The following ARMC9 variants were observed in gnomAD, a reference collection of about 807,000 sequenced individuals.
ARMC9 encodes lisH domain-containing protein ARMC9.
ARMC9 carries 94 observed loss-of-function variants against 107.0 expected under a neutral mutation model. That is an observed-to-expected ratio of 0.88 (90% confidence interval 0.74 to 1.04). The LOEUF (loss-of-function observed/expected upper bound fraction) is 1.04, where lower values mean the gene tolerates loss of function less well. Ranked by LOEUF, ARMC9 falls within the 50% of genes least tolerant of loss-of-function variation. The pLI, the probability that ARMC9 is intolerant of heterozygous loss-of-function variation, is 0.00. For synonymous variants in ARMC9, 380 were observed against 396.9 expected (o/e 0.96, Z 0.51); for missense variants, 942 against 1,030.1 (o/e 0.91, Z 1.17).
intron 9 of ARMC9, among the ~76,000 whole-genome samples, chr2:231,252,925 C>T (rs942888907): frequency 7.3e-5 from 11 of 151,504 alleles, no homozygotes; most frequent in South Asian, 2.1e-4. Flanking sequence ...CAGGCGTGAA[C>T]GGCTATGCCC....
intron 6 of ARMC9, among the ~76,000 whole-genome samples, chr2:231,225,308 A>C (rs1051096484): frequency 6.6e-6 from 1 of 152,154 alleles, no homozygotes; most frequent in African/African-American, 2.4e-5. Flanking sequence ...TTACCACATG[A>C]CCCAGGAATT....
intron 11 of ARMC9, 114 bp downstream of exon 11, chr2:231,259,216 T>C: frequency 4.4e-6 from 4 of 912,834 alleles, no homozygotes; most frequent in Non-Finnish European, 3.3e-6. Context: ...TCTTCCCCGC[T>C]GTCTGCTGAC....
intron 12 of ARMC9, among the ~76,000 whole-genome samples, chr2:231,265,076 G>A (rs1454290247): frequency 2.6e-5 from 4 of 151,446 alleles, no homozygotes; most frequent in African/African-American, 9.7e-5. Context: ...CTAGCCTGGC[G>A]ACAGAGTGAG....
chr2:231,291,875 T>G (rs2041024377), intron 18 of ARMC9, among the ~76,000 whole-genome samples: 1 of 148,824 alleles, frequency 6.7e-6, no homozygotes, highest in Non-Finnish European at 1.5e-5. Flanking sequence ...TAGACAAAAG[T>G]TCAGCCAGGT....
intron 6 of ARMC9, among the ~76,000 whole-genome samples, chr2:231,226,149 A>G (rs2034627663): frequency 1.3e-5 from 2 of 152,226 alleles, no homozygotes; most frequent in African/African-American, 2.4e-5. Flanking sequence ...GAGCCACCAC[A>G]CTGGCCTGAA....
At chr2:231,364,502 A>C (rs2045728058) in intron 23 of ARMC9, among the ~76,000 whole-genome samples, 1 of 152,210 alleles carries the variant, frequency 6.6e-6, no homozygotes, top group Non-Finnish European at 1.5e-5. Flanking sequence ...TGGCACATTC[A>C]TGCATCCAGC....
At chr2:231,292,653 G>C (rs2041095656) in intron 18 of ARMC9, among the ~76,000 whole-genome samples, 1 of 152,116 alleles carries the variant, frequency 6.6e-6, no homozygotes, top group Admixed American at 6.6e-5. Flanking sequence ...ACCTGCCAGA[G>C]GTACCAAGCA....
chr2:231,258,557 G>A (rs2038051476), intron 10 of ARMC9, among the ~76,000 whole-genome samples: 1 of 152,136 alleles, frequency 6.6e-6, no homozygotes, highest in Non-Finnish European at 1.5e-5. Flanking sequence ...GGCTTGAGAG[G>A]AACAGTGGCT....
In ARMC9 at chr2:231,276,738, G is replaced by A. The variant is rs141707678; in HGVS notation, c.1437G>A (p.Ser479=). The stretch of plus-strand genomic sequence containing the variant: ...TGTCTGACTACACGCTGGAGTACTC[G>A]GTGGCTTTGCTCATGAACCTCTGCC... ...DCLSDYTLEY[S]VALLMNLCLR... Residue 479 remains serine, a synonymous_variant, in exon 15 of 25, where the codon TCG becomes TCA. Transcript: ENST00000611582. The A allele has an allele frequency of 1.2e-4, 189 of 1,614,076 alleles. No homozygotes were observed. Among genetic ancestry groups the A allele is most frequent in the Middle Eastern group, 1.7e-4 (1 of 6,060 alleles).
intron 12 of ARMC9, among the ~76,000 whole-genome samples, chr2:231,267,292 G>T (rs746709343): frequency 6.6e-6 from 1 of 152,038 alleles, no homozygotes; most frequent in Non-Finnish European, 1.5e-5. Flanking sequence ...GTGCAGTGGC[G>T]TGATCTCGGC....
At chr2:231,235,425 A>T in intron 8 of ARMC9, 44 bp downstream of exon 8, 1 of 1,609,954 alleles carries the variant, frequency 6.2e-7, no homozygotes, top group Non-Finnish European at 8.5e-7. Context: ...TTGGCAATGA[A>T]GAAGGCTTAT....
chr2:231,350,628 AAAAAAAAG>A lies in ARMC9; in HGVS notation c.1995-5164_1995-5157del, dbSNP rs1173934819. 5.8e-3 allele frequency among the ~76,000 whole-genome samples: 843 copies of A among 144,564 alleles called. 6 individuals are homozygous for A. Among genetic ancestry groups the A allele is most frequent in the African/African-American group, 0.02 (685 of 34,494 alleles). The allele number at this position is 144,564 out of a possible 152,430, so 94.8% of individuals were successfully genotyped here. A position where few individuals can be genotyped will look rare whatever the true frequency, so the allele number is the denominator to read the frequency against. ...CAAAGTGAGACCCTTGTCTCAAAAA[AAAAAAAAG>A]AAAAAGAAAAAGAAACTTCATATGT... On this transcript the variant is annotated intron_variant, in intron 21 of 24. Transcript: ENST00000611582.
Position 231,281,967 on chromosome 2 carries a change from T to G in ARMC9, c.1552-92T>G. 8 of 1,239,042 alleles carry G rather than the reference T, an allele frequency of 6.5e-6. No homozygotes were observed. The South Asian group carries it at 9.8e-5, about 15-fold the overall frequency. 76.8% of individuals were successfully genotyped at this position (1,239,042 alleles called of 1,614,324 possible). On this transcript the variant is annotated intron_variant, in intron 16 of 24. Transcript: ENST00000611582. ...AGGACGGGAACACCCACTCTCCCCA[T>G]TTGCCAGATTGTTCTGAGGTGTGGT...
chr2:231,303,535 TC>T (rs1039371443), intron 19 of ARMC9, among the ~76,000 whole-genome samples: 7 of 152,248 alleles, frequency 4.6e-5, no homozygotes, highest in African/African-American at 1.7e-4. Flanking sequence ...TTCCCTCTGT[TC>T]CTAGTTTGCT....
intron 18 of ARMC9, among the ~76,000 whole-genome samples, chr2:231,292,772 C>A (rs1473688138): frequency 3.3e-5 from 5 of 152,222 alleles, no homozygotes; most frequent in African/African-American, 9.6e-5. Context: ...CTTCTGCACA[C>A]GAGCAGAAAG....
chr2:231,208,252 G>A lies in ARMC9; in HGVS notation c.177G>A (p.Gln59=). 1 of 1,604,544 alleles carries A rather than the reference G, an allele frequency of 6.2e-7. No individual in the cohort carries two copies. Among genetic ancestry groups the A allele is most frequent in the Non-Finnish European group, 8.5e-7 (1 of 1,174,770 alleles). The change falls in exon 3 of 25, where the codon CAG becomes CAA. Residue 59 remains glutamine (Q), a splice_region_variant and synonymous_variant. Transcript: ENST00000611582. ...GAGACTCCAAATCATTGACAATTCA[G>A]GTAACATTTTGCTTATTTTTCATCC... ...SFRDSKSLTI[Q]KDLVAAFDNG...
intron 20 of ARMC9, among the ~76,000 whole-genome samples, chr2:231,340,111 A>T (rs929207632): frequency 6.6e-6 from 1 of 152,364 alleles, no homozygotes. Context: ...AGGGAAAAGA[A>T]CTGGCAGAAC....
At chr2:231,235,472 CCT>C in intron 8 of ARMC9, 91 bp downstream of exon 8, 1 of 1,455,052 alleles carries the variant, frequency 6.9e-7, no homozygotes, top group East Asian at 2.4e-5. Context: ...GTGGAGCCTG[CCT>C]CTCTCCATTC....
intron 20 of ARMC9, among the ~76,000 whole-genome samples, chr2:231,343,291 T>C (rs1299765146): frequency 6.6e-6 from 1 of 151,492 alleles, no homozygotes; most frequent in African/African-American, 2.4e-5. Context: ...CTGAATCCCG[T>C]AGGCACTGGC....
Sources: gnomAD v4.1 joint callset for allele counts (sites outside exome capture counted in the v4.1 genomes callset) on GRCh38, gnomAD v4.1.1 for gene constraint, MANE v1.5 for transcripts, NCBI Gene and HGNC (gene_info 2026-07-23, HGNC 2026-07-21) for gene names.